The following RBFOX1 variants were observed in gnomAD, a reference collection of about 807,000 sequenced individuals.
The protein encoded by RBFOX1 is RNA binding protein fox-1 homolog 1.
In RBFOX1, 8 loss-of-function variants were observed where a neutral mutation model predicts 57.7. That is an observed-to-expected ratio of 0.14 (90% CI 0.08 to 0.25). The LOEUF is 0.25. RBFOX1 is among the 10% of genes least tolerant of loss of function. The probability of loss-of-function intolerance (pLI) is 1.00; values close to 1 mark genes in which losing one functional copy is unlikely to be tolerated. For synonymous variants in RBFOX1, 326 were observed against 222.4 expected, an observed-to-expected ratio of 1.47 and a Z score of -4.15; for missense variants, 611 against 548.5, an observed-to-expected ratio of 1.11 and a Z score of -1.14.
intron 1 of RBFOX1, among the ~76,000 whole-genome samples, chr16:6,184,718 C>G (rs896938858): frequency 7.2e-6 from 1 of 138,402 alleles, no homozygotes; most frequent in East Asian, 2.3e-4. Context: ...TGCCACCATG[C>G]CTGGCTCATT....
At chr16:6,419,312 T>C (rs1037823730) in intron 2 of RBFOX1, among the ~76,000 whole-genome samples, 4 of 152,170 alleles carry the variant, frequency 2.6e-5, no homozygotes, top group African/African-American at 9.7e-5. Flanking sequence ...GGCCTGGAAT[T>C]GCCTGTTGAC....
chr16:5,533,362 A>G (rs192883217), intron 2 of RBFOX1, among the ~76,000 whole-genome samples: 4 of 152,306 alleles, frequency 2.6e-5, no homozygotes, highest in Admixed American at 6.5e-5. Flanking sequence ...CCCAATAAAT[A>G]TTCCTGACGG....
At chr16:7,058,625 T>C (rs915830101) in intron 4 of RBFOX1, among the ~76,000 whole-genome samples, 1 of 151,818 alleles carries the variant, frequency 6.6e-6, no homozygotes, top group Non-Finnish European at 1.5e-5. Context: ...TATTTTTGCA[T>C]GCAAAAAAAG....
chr16:5,965,262 T>C (rs1055488710), intron 4 of RBFOX1, among the ~76,000 whole-genome samples: 4 of 152,204 alleles, frequency 2.6e-5, no homozygotes, highest in Admixed American at 2.0e-4. Context: ...TAATGTGGTG[T>C]ATACTTGAAA....
chr16:6,836,162 C>T (rs568667852), intron 3 of RBFOX1, among the ~76,000 whole-genome samples: 6 of 152,172 alleles, frequency 3.9e-5, no homozygotes, highest in Non-Finnish European at 7.3e-5. Flanking sequence ...ATTAATACGT[C>T]ACCGGGTAAC....
intron 3 of RBFOX1, among the ~76,000 whole-genome samples, chr16:7,005,939 G>C (rs1327138727): frequency 1.3e-5 from 2 of 152,106 alleles, no homozygotes; most frequent in Non-Finnish European, 2.9e-5. Context: ...CCAATCCAGA[G>C]AAAAGCCCCA....
rs1339848945 is a variant in RBFOX1, at chr16:5,711,432, G to GA, written c.318+112475dup. On this transcript the variant is annotated intron_variant, in intron 3 of 19. Transcript: ENST00000641259. The stretch of plus-strand genomic sequence containing the variant: ...ATTCAGGATACCACCTTTCAGCTGA[G>GA]AAAATACACTGGAGAACTTTTTCTC... Among the ~76,000 whole-genome samples, 6 of 152,316 alleles carry GA rather than the reference G, an allele frequency of 3.9e-5. No homozygotes were observed. The South Asian group carries it at 1.0e-3, about 26-fold the overall frequency.
At chr16:5,449,734 G>T (rs1466023617) in intron 1 of RBFOX1, among the ~76,000 whole-genome samples, 1 of 151,886 alleles carries the variant, frequency 6.6e-6, no homozygotes, top group African/African-American at 2.4e-5. Context: ...TCAGCCCCCC[G>T]AGTAGATGGA....
intron 3 of RBFOX1, among the ~76,000 whole-genome samples, chr16:7,041,489 C>A (rs981156801): frequency 6.6e-6 from 1 of 152,120 alleles, no homozygotes; most frequent in African/African-American, 2.4e-5. Flanking sequence ...TGGGTCTGTT[C>A]TGTGACAAGC....
At chr16:5,935,986 T>G (rs28411783) in intron 4 of RBFOX1, among the ~76,000 whole-genome samples, 53,269 of 151,950 alleles carry the variant, frequency 0.35, 9,532 homozygotes, top group Middle Eastern at 0.57. Context: ...CAAGCTCCAC[T>G]GTATTCCATT....
intron 4 of RBFOX1, among the ~76,000 whole-genome samples, chr16:5,919,577 G>T (rs543833848): frequency 6.6e-6 from 1 of 152,100 alleles, no homozygotes; most frequent in African/African-American, 2.4e-5. Context: ...CTCCCGACCC[G>T]AGGTGATCCG....
At chr16:5,990,571 A>T (rs1596356417) in intron 4 of RBFOX1, among the ~76,000 whole-genome samples, 2 of 152,186 alleles carry the variant, frequency 1.3e-5, no homozygotes, top group Non-Finnish European at 2.9e-5. Context: ...ATAGGAGGAC[A>T]AGGAGAAGGA....
chr16:6,405,884 G>A (rs1372777514), intron 2 of RBFOX1, among the ~76,000 whole-genome samples: 1 of 152,122 alleles, frequency 6.6e-6, no homozygotes, highest in East Asian at 1.9e-4. Flanking sequence ...AAAATGCAAT[G>A]GTTTAACCTC....
Position 7,319,962 on chromosome 16 carries a change from A to T in RBFOX1, c.28-198185A>T, listed in dbSNP as rs550690659. ...GTTTGGCACATAGTGAGACCTAGGA[A>T]AGGGTTTGTTAAAAAATTAAGCAGA... On this transcript the variant is annotated intron_variant, in intron 4 of 15. Transcript: ENST00000550418. 5.3e-5 allele frequency among the ~76,000 whole-genome samples: 8 copies of T among 152,310 alleles called. No homozygotes were observed. The South Asian group carries it at 1.4e-3, about 28-fold the overall frequency.
At chr16:7,279,829 A>C (rs1361810280) in intron 4 of RBFOX1, among the ~76,000 whole-genome samples, 1 of 152,228 alleles carries the variant, frequency 6.6e-6, no homozygotes. Flanking sequence ...GAAATGGCCA[A>C]GCTTTCTATC....
At chr16:7,242,171 T>G (rs192453079) in intron 4 of RBFOX1, among the ~76,000 whole-genome samples, 1 of 152,300 alleles carries the variant, frequency 6.6e-6, no homozygotes, top group African/African-American at 2.4e-5. Context: ...CATATATGTG[T>G]AGGTCATGCA....
rs2080813273 is a variant in RBFOX1, at chr16:6,951,766, C to T, written c.-15-100291C>T. On this transcript the variant is annotated intron_variant, in intron 3 of 15. Coordinates refer to ENST00000550418, the MANE Select transcript of RBFOX1 (RefSeq NM_018723.4). ...CTCTCTCTTTTGAGATGGAGTCTCG[C>T]TCTTTCGCCCAGACTGGAGTGCAGT... Among the ~76,000 whole-genome samples, 4 of 152,270 alleles carry T rather than the reference C, an allele frequency of 2.6e-5. 1 individual carries two copies. In the South Asian group the frequency reaches 8.3e-4, roughly 32 times the overall value.
At chr16:6,838,676 G>A (rs1056768043) in intron 3 of RBFOX1, among the ~76,000 whole-genome samples, 9 of 152,138 alleles carry the variant, frequency 5.9e-5, no homozygotes, top group South Asian at 4.1e-4. Context: ...GGGCAAAGCC[G>A]ATAACCTTCC....
At chr16:5,817,417 A>G (rs1567580503) in intron 3 of RBFOX1, among the ~76,000 whole-genome samples, 3 of 152,318 alleles carry the variant, frequency 2.0e-5, no homozygotes, top group East Asian at 3.9e-4. Context: ...GCATTTTTAC[A>G]GTGCTTGGCA....
Sources: gnomAD v4.1 joint callset for allele counts (sites outside exome capture counted in the v4.1 genomes callset) on GRCh38, gnomAD v4.1.1 for gene constraint, MANE v1.5 for transcripts, NCBI Gene and HGNC (gene_info 2026-07-23, HGNC 2026-07-21) for gene names.